Variants in ERI1 observed in about 807,000 individuals in gnomAD.
ERI1 encodes exoribonuclease 1.
In ERI1, 39 loss-of-function variants were observed where a neutral mutation model predicts 39.7. The ratio of observed to expected loss-of-function variants is 0.98; its 90% CI spans 0.76 to 1.28. ERI1 has a LOEUF of 1.28. Among genes scored for constraint, ERI1 ranks in the 50% most tolerant of loss-of-function variants. The pLI is 0.00. For missense variants in ERI1, 581 were observed against 416.9 expected (o/e 1.39, Z -3.43); for synonymous variants, 204 against 149.6 (o/e 1.36, Z -2.65).
At chr8:9,028,419 G>C (rs1797337595) in intron 6 of ERI1, among the ~76,000 whole-genome samples, 1 of 152,186 alleles carries the variant, frequency 6.6e-6, no homozygotes, top group South Asian at 2.1e-4. Flanking sequence ...GTATATTGCA[G>C]TATTACAGCT....
intron 2 of ERI1, among the ~76,000 whole-genome samples, chr8:9,009,436 T>C (rs114473600): frequency 1.3e-5 from 2 of 152,170 alleles, no homozygotes; most frequent in Non-Finnish European, 2.9e-5. Flanking sequence ...TAACAGAAAC[T>C]TTTCTAATTC....
chr8:9,034,433 G>T (rs1206614623), downstream of ERI1, among the ~76,000 whole-genome samples: 1 of 152,140 alleles, frequency 6.6e-6, no homozygotes, highest in Non-Finnish European at 1.5e-5. Context: ...TTTCCCAACA[G>T]CATACTTTCA....
chr8:9,011,465 C>T, intron 2 of ERI1, 77 bp from the exon 3 acceptor site: 1 of 918,656 alleles, frequency 1.1e-6, no homozygotes, highest in Non-Finnish European at 1.6e-6. Context: ...GTGTTCAGCC[C>T]AGTGCCAGCA....
At chr8:9,046,221 G>A (rs1442775427) in intron 3 of ERI1, among the ~76,000 whole-genome samples, 5 of 152,172 alleles carry the variant, frequency 3.3e-5, no homozygotes. Context: ...CCTGAGAAGC[G>A]GTTCTGAAAG....
chr8:9,029,762 G>T (rs762984476), intron 6 of ERI1, 30 bp from the exon 7 acceptor site: 6 of 1,612,924 alleles, frequency 3.7e-6, no homozygotes, highest in Middle Eastern at 1.7e-4. Flanking sequence ...GAACACCAAA[G>T]AATTATTTAC....
At chr8:9,092,096 A>G (rs538776990) in intron 3 of ERI1, among the ~76,000 whole-genome samples, 1 of 152,276 alleles carries the variant, frequency 6.6e-6, no homozygotes, top group South Asian at 2.1e-4. Flanking sequence ...AGCTAGGACT[A>G]CAGGCACGTG....
chr8:9,023,177 T>G (rs150093070), intron 6 of ERI1, among the ~76,000 whole-genome samples: 1 of 152,310 alleles, frequency 6.6e-6, no homozygotes, highest in East Asian at 1.9e-4. Context: ...TTTAATCTCT[T>G]CTTTTTCTTC....
At chr8:9,058,153 C>G (rs1260344028) in intron 3 of ERI1, among the ~76,000 whole-genome samples, 1 of 152,106 alleles carries the variant, frequency 6.6e-6, no homozygotes. Flanking sequence ...GAGGAGAGGG[C>G]GGAGCAGACA....
At chr8:9,029,136 CTA>C (rs1563336507) in intron 6 of ERI1, among the ~76,000 whole-genome samples, 2 of 151,896 alleles carry the variant, frequency 1.3e-5, no homozygotes, top group Non-Finnish European at 2.9e-5. Context: ...AAGTAATACA[CTA>C]TAGAAAAATA....
chr8:9,046,131 T>C (rs1309361406), intron 3 of ERI1, among the ~76,000 whole-genome samples: 2 of 152,222 alleles, frequency 1.3e-5, no homozygotes, highest in Middle Eastern at 3.2e-3. Flanking sequence ...TCTGGAGACC[T>C]TGGCTGAGAG....
intron 1 of ERI1, among the ~76,000 whole-genome samples, chr8:9,005,377 G>A (rs1220112823): frequency 6.6e-6 from 1 of 151,854 alleles, no homozygotes; most frequent in Non-Finnish European, 1.5e-5. Flanking sequence ...ACAACAGATT[G>A]TGTTCCTTTA....
chr8:9,013,812 CTT>C (rs2117213517), intron 3 of ERI1, among the ~76,000 whole-genome samples: 1 of 152,296 alleles, frequency 6.6e-6, no homozygotes, highest in African/African-American at 2.4e-5. Context: ...ATCTTTGACT[CTT>C]GTTTCTCTCA....
intron 3 of ERI1, among the ~76,000 whole-genome samples, chr8:9,052,461 G>C (rs905132377): frequency 6.6e-6 from 1 of 152,154 alleles, no homozygotes; most frequent in Non-Finnish European, 1.5e-5. Context: ...AGAGCACTGA[G>C]TCTCTGGGAT....
intron 3 of ERI1, among the ~76,000 whole-genome samples, chr8:9,087,525 G>A (rs539201493): frequency 7.3e-4 from 111 of 151,072 alleles, no homozygotes; most frequent in Non-Finnish European, 1.3e-3. Context: ...TAAAGTGCTG[G>A]GATTACAGGC....
intron 3 of ERI1, among the ~76,000 whole-genome samples, chr8:9,042,252 C>T (rs1343528852): frequency 6.6e-6 from 1 of 152,130 alleles, no homozygotes; most frequent in Non-Finnish European, 1.5e-5. Context: ...TACGCTGTGT[C>T]CTTGGTCCTC....
chr8:9,077,579 G>T (rs181866689), intron 3 of ERI1, among the ~76,000 whole-genome samples: 1 of 152,290 alleles, frequency 6.6e-6, no homozygotes, highest in East Asian at 1.9e-4. Flanking sequence ...GGGCAGAAAT[G>T]CACTGTGAAC....
chr8:9,033,785 GC>G (rs143876084), downstream of ERI1, among the ~76,000 whole-genome samples: 5,440 of 152,288 alleles, frequency 0.036, 126 homozygotes, highest in Non-Finnish European at 0.05. Flanking sequence ...GTGCTATGCT[GC>G]CTCCCGTTGT....
At chr8:9,076,705 C>G (rs568591762) in intron 3 of ERI1, among the ~76,000 whole-genome samples, 2 of 152,202 alleles carry the variant, frequency 1.3e-5, no homozygotes, top group Non-Finnish European at 2.9e-5. Context: ...GGAAAAGCCA[C>G]TTCAGTGAGA....
intron 3 of ERI1, among the ~76,000 whole-genome samples, chr8:9,098,515 C>G (rs1043156036): frequency 6.6e-6 from 1 of 152,080 alleles, no homozygotes; most frequent in Non-Finnish European, 1.5e-5. Context: ...AAGTGAGACT[C>G]CATCTCAACA....
Sources: gnomAD v4.1 joint callset for allele counts (sites outside exome capture counted in the v4.1 genomes callset) on GRCh38, gnomAD v4.1.1 for gene constraint, MANE v1.5 for transcripts, NCBI Gene and HGNC (gene_info 2026-07-23, HGNC 2026-07-21) for gene names.